KLHL1: variants seen among roughly 807,000 people sequenced by gnomAD.
The protein encoded by KLHL1 is kelch-like protein 1.
In KLHL1, 47 loss-of-function variants were observed where a neutral mutation model predicts 77.7. The observed-to-expected ratio is 0.60, with a 90% CI of 0.48 to 0.77. The LOEUF (loss-of-function observed/expected upper bound fraction) is 0.77, where lower values mean the gene tolerates loss of function less well. Ranked by LOEUF, KLHL1 falls within the 30% of genes least tolerant of loss-of-function variation. The pLI is 0.00. For missense variants in KLHL1, 925 were observed against 910.8 expected (o/e 1.02, Z -0.20); for synonymous variants, 360 against 325.2 (o/e 1.11, Z -1.15).
chr13:69,848,466 A>G (rs1879558656), intron 5 of KLHL1, among the ~76,000 whole-genome samples: 1 of 151,540 alleles, frequency 6.6e-6, no homozygotes, highest in Admixed American at 6.6e-5. Context: ...TAATTTTGGC[A>G]AAGAATTGAA....
intron 3 of KLHL1, among the ~76,000 whole-genome samples, chr13:69,948,584 A>G (rs1194521453): frequency 6.6e-6 from 1 of 152,028 alleles, no homozygotes. Flanking sequence ...TAAGGCCACT[A>G]AATCTTCCAA....
At chr13:69,816,641 T>C (rs1878136144) in intron 6 of KLHL1, among the ~76,000 whole-genome samples, 1 of 152,166 alleles carries the variant, frequency 6.6e-6, no homozygotes, top group Admixed American at 6.5e-5. Flanking sequence ...AAAGTTGTAG[T>C]TCATTATTTT....
chr13:70,025,779 A>G (rs1885925722), intron 1 of KLHL1, among the ~76,000 whole-genome samples: 1 of 151,952 alleles, frequency 6.6e-6, no homozygotes, highest in African/African-American at 2.4e-5. Flanking sequence ...TACTTGTTCA[A>G]TTTTAAAAGC....
At chr13:70,106,267 C>T (rs1309165957) in intron 1 of KLHL1, among the ~76,000 whole-genome samples, 1 of 151,870 alleles carries the variant, frequency 6.6e-6, no homozygotes, top group African/African-American at 2.4e-5. Context: ...CTATATTTCT[C>T]CTGTAGTTCT....
chr13:69,962,657 A>G (rs1884101644), intron 2 of KLHL1, among the ~76,000 whole-genome samples: 1 of 152,086 alleles, frequency 6.6e-6, no homozygotes, highest in South Asian at 2.1e-4. Context: ...ATTAAAATTT[A>G]TAATGTTGTT....
Position 69,797,026 on chromosome 13 carries a change from CAGGGTACAAATT to C in KLHL1, c.1415-76_1415-65del, listed in dbSNP as rs1877138113. 3 of 1,349,908 alleles carry C rather than the reference CAGGGTACAAATT, an allele frequency of 2.2e-6. No homozygotes were observed. In the East Asian group the frequency reaches 6.9e-5, roughly 31 times the overall value. The allele number at this position is 1,349,908 out of a possible 1,614,324, so 83.6% of individuals were successfully genotyped here. A position where few individuals can be genotyped will look rare whatever the true frequency, so the allele number is the denominator to read the frequency against. On this transcript the variant is annotated intron_variant, in intron 6 of 10. Transcript: ENST00000377844. ...AAATTCAACAAACAGCCTGCCAAAG[CAGGGTACAAATT>C]AGGATGTGAAAACACTCTTGTCATA...
chr13:69,900,562 G>A (rs1272424575), intron 4 of KLHL1, among the ~76,000 whole-genome samples: 1 of 152,112 alleles, frequency 6.6e-6, no homozygotes, highest in African/African-American at 2.4e-5. Context: ...AAGAGACGCC[G>A]GGTTTTAGTG....
intron 5 of KLHL1, among the ~76,000 whole-genome samples, chr13:69,873,592 A>G (rs1244031590): frequency 6.6e-6 from 1 of 152,112 alleles, no homozygotes; most frequent in Non-Finnish European, 1.5e-5. Context: ...ACTGCCACAT[A>G]AAAGTATAAA....
chr13:70,082,163 G>C (rs1365139379), intron 1 of KLHL1, among the ~76,000 whole-genome samples: 1 of 151,986 alleles, frequency 6.6e-6, no homozygotes, highest in Admixed American at 6.6e-5. Flanking sequence ...CCTGGCCATG[G>C]CTCCTGTACA....
chr13:69,824,348 A>G (rs555190004), intron 6 of KLHL1, among the ~76,000 whole-genome samples: 1 of 152,146 alleles, frequency 6.6e-6, no homozygotes, highest in East Asian at 1.9e-4. Flanking sequence ...TCAGTGACAT[A>G]TTGACACAGT....
At chr13:69,798,472 T>C (rs531357154) in intron 6 of KLHL1, among the ~76,000 whole-genome samples, 47 of 152,264 alleles carry the variant, frequency 3.1e-4, no homozygotes, top group African/African-American at 1.0e-3. Flanking sequence ...GCTAAAATTA[T>C]AGGTTCATTC....
intron 7 of KLHL1, among the ~76,000 whole-genome samples, chr13:69,786,558 T>A (rs568529703): frequency 6.6e-6 from 1 of 152,242 alleles, no homozygotes; most frequent in East Asian, 1.9e-4. Context: ...TCGTACTGAA[T>A]GGGCAAAAAT....
intron 7 of KLHL1, among the ~76,000 whole-genome samples, chr13:69,790,154 C>T (rs1337088011): frequency 6.6e-6 from 1 of 152,050 alleles, no homozygotes; most frequent in Non-Finnish European, 1.5e-5. Context: ...TTGTTGTACC[C>T]ATATAAAAGC....
At chr13:70,038,577 ATTAATTTTTTT>A (rs1328064623) in intron 1 of KLHL1, among the ~76,000 whole-genome samples, 1 of 116,374 alleles carries the variant, frequency 8.6e-6, no homozygotes, top group East Asian at 2.7e-4. Flanking sequence ...TGGGATTGTC[ATTAATTTTTTT>A]TTTTTTTTTT....
Position 69,975,810 on chromosome 13 carries a change from C to CCACA in KLHL1, c.498-12_498-9dup, listed in dbSNP as rs144583054. 410 of 1,515,724 alleles carry CCACA rather than the reference C, an allele frequency of 2.7e-4. 1 individual carries two copies. Among genetic ancestry groups the CCACA allele is most frequent in the South Asian group, 2.7e-3 (224 of 84,464 alleles). 93.9% of individuals were successfully genotyped at this position (1,515,724 alleles called of 1,614,324 possible). A position where few individuals can be genotyped will look rare whatever the true frequency, so the allele number is the denominator to read the frequency against. On this transcript the variant is annotated splice_polypyrimidine_tract_variant and intron_variant, in intron 1 of 10. Coordinates refer to ENST00000377844, the MANE Select transcript of KLHL1 (RefSeq NM_020866.3). ...TGGCCGGTTGATGACAGCCTATAAA[C>CCACA]CACACACACACACACACACACACAA...
chr13:70,057,802 AAAAG>A lies in KLHL1; in HGVS notation c.497+49397_497+49400del, dbSNP rs1317035987. ...CGTCTCAAAAAAAAAAAAAAAAAAA[AAAAG>A]AAAGAAAGAAAAGAAAAACAAAGAA... On this transcript the variant is annotated intron_variant, in intron 1 of 10. Coordinates refer to ENST00000377844, the MANE Select transcript of KLHL1 (RefSeq NM_020866.3). Among the ~76,000 whole-genome samples, 37 of 148,648 alleles carry A rather than the reference AAAAG, an allele frequency of 2.5e-4. 1 individual carries two copies. The South Asian group carries it at 5.9e-3, about 24-fold the overall frequency.
intron 1 of KLHL1, among the ~76,000 whole-genome samples, chr13:70,033,636 T>C (rs1160388374): frequency 1.1e-5 from 1 of 89,318 alleles, no homozygotes; most frequent in East Asian, 4.3e-4. Flanking sequence ...TTTTTTTTTT[T>C]TGAGACAGAG....
At chr13:69,837,701 T>C (rs117264389) in intron 6 of KLHL1, among the ~76,000 whole-genome samples, 1 of 146,738 alleles carries the variant, frequency 6.8e-6, no homozygotes, top group Non-Finnish European at 1.5e-5. Context: ...CATATATATA[T>C]AGATCTCATA....
intron 4 of KLHL1, among the ~76,000 whole-genome samples, chr13:69,925,548 A>C (rs929536896): frequency 3.3e-5 from 5 of 152,172 alleles, no homozygotes; most frequent in African/African-American, 1.2e-4. Context: ...GAACATTGAC[A>C]CTGTTGAAGG....
Sources: allele counts gnomAD v4.1 joint callset (sites outside exome capture counted in the v4.1 genomes callset), GRCh38; gene constraint gnomAD v4.1.1; transcripts MANE v1.5; gene names NCBI Gene and HGNC (gene_info 2026-07-23, HGNC 2026-07-21).